Variants in CYRIA observed in about 807,000 individuals in gnomAD.
The protein encoded by CYRIA is CYFIP-related Rac1 interactor A.
CYRIA carries 15 observed loss-of-function variants against 43.9 expected under a neutral mutation model. The observed-to-expected ratio is 0.34, with a 90% CI of 0.23 to 0.53. The LOEUF is 0.53. Among genes scored for constraint, CYRIA ranks in the 20% least tolerant of loss-of-function variants. The pLI is 0.94. For synonymous variants in CYRIA, 117 were observed against 136.0 expected (o/e 0.86, Z 0.97); for missense variants, 236 against 394.2 (o/e 0.60, Z 3.40).
chr2:16,593,063 G>A (rs1667984144), intron 2 of CYRIA, among the ~76,000 whole-genome samples: 1 of 152,140 alleles, frequency 6.6e-6, no homozygotes, highest in African/African-American at 2.4e-5. Context: ...ACTCTTGTCA[G>A]GACTAAATGA....
chr2:16,575,046 G>C (rs1667284382), intron 3 of CYRIA, among the ~76,000 whole-genome samples: 1 of 152,182 alleles, frequency 6.6e-6, no homozygotes, highest in Admixed American at 6.5e-5. Context: ...ACCCTGCAAA[G>C]CTAAAGGCGC....
chr2:16,630,520 G>A (rs1435134634), intron 1 of CYRIA, among the ~76,000 whole-genome samples: 1 of 152,132 alleles, frequency 6.6e-6, no homozygotes, highest in Non-Finnish European at 1.5e-5. Context: ...TGGCCATTAA[G>A]GTGAGTGCAC....
At chr2:16,585,286 C>T (rs1667690899) in intron 3 of CYRIA, among the ~76,000 whole-genome samples, 1 of 152,030 alleles carries the variant, frequency 6.6e-6, no homozygotes, top group Non-Finnish European at 1.5e-5. Context: ...CCTCTCTGGT[C>T]AGGGACAGAA....
intron 1 of CYRIA, among the ~76,000 whole-genome samples, chr2:16,657,304 T>C (rs917095886): frequency 5.3e-5 from 8 of 152,166 alleles, no homozygotes; most frequent in Non-Finnish European, 1.5e-5. Flanking sequence ...GGCAAAATGA[T>C]GAGTAAGATT....
At chr2:16,585,655 CT>C (rs547155872) in intron 3 of CYRIA, among the ~76,000 whole-genome samples, 31 of 152,250 alleles carry the variant, frequency 2.0e-4, no homozygotes, top group Non-Finnish European at 3.8e-4. Context: ...GTACTATAAA[CT>C]ATCATCAAAA....
chr2:16,656,990 C>A (rs531908481), intron 1 of CYRIA, among the ~76,000 whole-genome samples: 4 of 152,334 alleles, frequency 2.6e-5, no homozygotes, highest in African/African-American at 9.6e-5. Flanking sequence ...CTTTCTACAT[C>A]CCTCCAGAGG....
chr2:16,615,940 G>A (rs547581415), intron 2 of CYRIA, among the ~76,000 whole-genome samples: 87 of 152,314 alleles, frequency 5.7e-4, no homozygotes, highest in African/African-American at 1.9e-3. Context: ...GCATGGCGAC[G>A]CCTGGGACCA....
At chr2:16,643,594 T>C (rs1421449393) in intron 1 of CYRIA, among the ~76,000 whole-genome samples, 3 of 152,230 alleles carry the variant, frequency 2.0e-5, no homozygotes, top group African/African-American at 7.2e-5. Flanking sequence ...CTCTTCAATT[T>C]TGTTTGCATT....
At chr2:16,568,284 T>C (rs1265089171) in intron 3 of CYRIA, among the ~76,000 whole-genome samples, 1 of 151,958 alleles carries the variant, frequency 6.6e-6, no homozygotes, top group African/African-American at 2.4e-5. Context: ...CTAAGCGTTT[T>C]TGGATAAGGG....
intron 1 of CYRIA, among the ~76,000 whole-genome samples, chr2:16,636,669 C>T (rs2193776): frequency 0.18 from 27,073 of 151,924 alleles, 2,602 homozygotes; most frequent in Middle Eastern, 0.28. Flanking sequence ...CTCAGAACTC[C>T]GGACAAGCTG....
At chr2:16,619,955 G>A (rs1408266112) in intron 2 of CYRIA, among the ~76,000 whole-genome samples, 3 of 152,142 alleles carry the variant, frequency 2.0e-5, no homozygotes, top group African/African-American at 4.8e-5. Flanking sequence ...ACTTTCCTGG[G>A]CAGAGAACAC....
chr2:16,623,491 C>T (rs957031923), intron 2 of CYRIA, among the ~76,000 whole-genome samples: 4 of 152,180 alleles, frequency 2.6e-5, no homozygotes, highest in African/African-American at 9.7e-5. Flanking sequence ...CGTTCTCTGA[C>T]ATGGGATCTA....
At chr2:16,583,236 C>T (rs1194996791) in intron 3 of CYRIA, among the ~76,000 whole-genome samples, 1 of 152,198 alleles carries the variant, frequency 6.6e-6, no homozygotes, top group Non-Finnish European at 1.5e-5. Flanking sequence ...AAATAGTTTA[C>T]TTGAAGTGAG....
At position 16,628,340 on chromosome 2, in the gene CYRIA, G is replaced by A. The variant is rs146282252; in HGVS notation, c.-166-4321C>T. On this transcript the variant is annotated intron_variant, in intron 1 of 11. Transcript: ENST00000381323. ...AAAGGTCAAAGCTAGCAGGCTATGA[G>A]AAAGGATCTGAACCACCATTTATCG... 2.3e-3 allele frequency among the ~76,000 whole-genome samples: 345 copies of A among 152,314 alleles called. 8 individuals carry two copies. Among genetic ancestry groups the A allele is most frequent in the Admixed American group, 0.018 (283 of 15,302 alleles).
intron 3 of CYRIA, among the ~76,000 whole-genome samples, chr2:16,570,458 T>C (rs1293535310): frequency 2.0e-5 from 3 of 152,238 alleles, no homozygotes; most frequent in African/African-American, 7.2e-5. Flanking sequence ...TTTACGTTTC[T>C]AATCTGAAAG....
At chr2:16,655,784 T>TA (rs1370710401) in intron 1 of CYRIA, among the ~76,000 whole-genome samples, 2 of 152,074 alleles carry the variant, frequency 1.3e-5, no homozygotes, top group African/African-American at 4.8e-5. Flanking sequence ...CTTTTTTTTT[T>TA]AAACCTGAAT....
At chr2:16,633,886 A>G (rs1669412595) in intron 1 of CYRIA, among the ~76,000 whole-genome samples, 1 of 152,054 alleles carries the variant, frequency 6.6e-6, no homozygotes, top group African/African-American at 2.4e-5. Context: ...TTCCCCTGGG[A>G]GTATCCACAT....
chr2:16,633,260 A>G (rs1400388193), intron 1 of CYRIA, among the ~76,000 whole-genome samples: 1 of 152,158 alleles, frequency 6.6e-6, no homozygotes, highest in Non-Finnish European at 1.5e-5. Context: ...CTTCAAGGCC[A>G]GCAGCAGAGT....
At chr2:16,635,375 A>G (rs1266164457) in intron 1 of CYRIA, among the ~76,000 whole-genome samples, 1 of 152,212 alleles carries the variant, frequency 6.6e-6, no homozygotes, top group Admixed American at 6.5e-5. Flanking sequence ...AGCTTGCAGG[A>G]ACCCTGGGAG....
Sources: gnomAD v4.1 joint callset for allele counts (sites outside exome capture counted in the v4.1 genomes callset) on GRCh38, gnomAD v4.1.1 for gene constraint, MANE v1.5 for transcripts, NCBI Gene and HGNC (gene_info 2026-07-23, HGNC 2026-07-21) for gene names.